Variants in TP53BP1 observed in about 807,000 individuals in gnomAD.
TP53BP1 encodes the protein tumor protein p53 binding protein 1.
In TP53BP1, 61 loss-of-function variants were observed where a neutral mutation model predicts 200.8. That is an observed-to-expected ratio of 0.30 (90% CI 0.25 to 0.38). TP53BP1 has a LOEUF of 0.38. Among genes scored for constraint, TP53BP1 ranks in the 10% least tolerant of loss-of-function variants. TP53BP1 has a pLI of 1.00. For synonymous variants in TP53BP1, 822 were observed against 844.3 expected (o/e 0.97, Z 0.46); for missense variants, 2,144 against 2,371.9 (o/e 0.90, Z 2.00).
intron 8 of TP53BP1, 150 bp downstream of exon 8, chr15:43,477,443 T>C (rs985705800): frequency 1.5e-4 from 97 of 639,124 alleles, no homozygotes; most frequent in Middle Eastern, 9.3e-4. Context: ...AAAGCCCTTC[T>C]CACTAATTAC....
chr15:43,434,484 C>G (rs72707571), intron 16 of TP53BP1, among the ~76,000 whole-genome samples: 3,251 of 152,302 alleles, frequency 0.021, 51 homozygotes, highest in Middle Eastern at 0.034. Context: ...TCTCATGCTA[C>G]AGACTAAATG....
rs1301391802 is a variant in TP53BP1, at chr15:43,477,707, T to C, written c.841A>G (p.Lys281Glu). 2 of 1,612,954 alleles carry C rather than the reference T, an allele frequency of 1.2e-6. No individual in the cohort carries two copies. The highest frequency in any genetic ancestry group is 8.5e-7 in the Non-Finnish European group (1 of 1,179,572). Residue 281 changes from lysine (K) to glutamate (E), a missense_variant, in exon 8 of 28, where the codon AAA becomes GAA. Lys to Glu is a moderately conservative substitution (Grantham distance 56). Transcript: ENST00000382044. ...PKASVAAMEA[K>E]EQLSAQELME... ...AGTTCTTGTGCAGACAACTGTTCTT[T>C]TGCTTCCATAGCAGCAACAGATGCT...
chr15:43,409,177 G>C, intron 25 of TP53BP1, 81 bp from the exon 26 acceptor site: 1 of 1,351,162 alleles, frequency 7.4e-7, no homozygotes, highest in Non-Finnish European at 1.0e-6. Flanking sequence ...GAGCCATGAA[G>C]AGCAGATCTG....
intron 4 of TP53BP1, among the ~76,000 whole-genome samples, chr15:43,483,761 T>C (rs190500837): frequency 2.1e-4 from 32 of 152,318 alleles, no homozygotes; most frequent in Admixed American, 2.0e-3. Flanking sequence ...AGAGCAAATA[T>C]TGCAAATGGT....
intron 16 of TP53BP1, among the ~76,000 whole-genome samples, chr15:43,437,966 T>C (rs1292131748): frequency 6.6e-6 from 1 of 152,234 alleles, no homozygotes; most frequent in Non-Finnish European, 1.5e-5. Flanking sequence ...AAGGGCCTTC[T>C]AGCTGCATCG....
rs771673422 is a variant in TP53BP1 at position 43,438,412 on chromosome 15, G to T, written c.3103C>A (p.Gln1035Lys). The change falls in exon 16 of 28, where the codon CAG becomes AAG. Residue 1035 changes from glutamine (Q) to lysine (K), a missense_variant. Around this residue, in one of 4 missense-constraint regions of TP53BP1, gnomAD observed 1,700 missense variants for 1,710.3 expected, o/e 0.99. Coordinates refer to ENST00000382044, the MANE Select transcript of TP53BP1 (RefSeq NM_001141980.3). ...CAGCTCAACACAGACATGGTCTTCTGGGGACTAAGACAATATATTAAAGCA... is the reference window on the plus strand; with the variant it reads ...CAGCTCAACACAGACATGGTCTTCTTGGGACTAAGACAATATATTAAAGCA... ...TAVAESVASP[Q>K]KTMSVLSCIC... The T allele has an allele frequency of 4.3e-6, 7 of 1,610,776 alleles. No homozygotes were observed. Among genetic ancestry groups the T allele is most frequent in the Non-Finnish European group, 5.9e-6 (7 of 1,178,414 alleles).
Position 43,492,318 on chromosome 15 carries a change from G to C in TP53BP1, c.158C>G (p.Pro53Arg), listed in dbSNP as rs746499803. The C allele has an allele frequency of 1.2e-6, 2 of 1,614,008 alleles. No homozygotes were observed. Among genetic ancestry groups the C allele is most frequent in the African/African-American group, 2.7e-5 (2 of 74,896 alleles). ...SHFSMLSRHL[P>R]NLQTHKENPV... ...ATTTTCTTTGTGCGTCTGGAGATTA[G>C]GAAGGTGTCGAGATAGCATACTGAA... Residue 53 changes from proline (P) to arginine (R), a missense_variant, in exon 2 of 28, where the codon CCT becomes CGT. Physicochemically the swap from Pro to Arg is moderately radical, Grantham distance 103 (BLOSUM62 -2). Around this residue, in one of 4 missense-constraint regions of TP53BP1, gnomAD observed 1,700 missense variants for 1,710.3 expected, o/e 0.99. Coordinates refer to ENST00000382044, the MANE Select transcript of TP53BP1 (RefSeq NM_001141980.3).
At chr15:43,482,207 C>T (rs553045082) in intron 4 of TP53BP1, among the ~76,000 whole-genome samples, 5 of 150,744 alleles carry the variant, frequency 3.3e-5, no homozygotes, top group South Asian at 4.2e-4. Flanking sequence ...CCAGCCTGGG[C>T]GACAGAGCGA....
chr15:43,448,323 A>G (rs181623981), intron 12 of TP53BP1, among the ~76,000 whole-genome samples: 1 of 152,160 alleles, frequency 6.6e-6, no homozygotes, highest in Non-Finnish European at 1.5e-5. Flanking sequence ...AAAATGATAC[A>G]TTTGGGAGAA....
At position 43,420,592 on chromosome 15, in the gene TP53BP1, C is replaced by T. The variant is rs2045371393; in HGVS notation, c.4394G>A (p.Ser1465Asn). ...TDVGAGALRR[S>N]DSPEIPFQAA... ...CTGGAAAGGAATTTCTGGAGAGTCA[C>T]TACGACGCAAAGCACCAGCACCCAC... Residue 1465 changes from serine (S) to asparagine (N), a missense_variant, in exon 21 of 28, where the codon AGT (serine) becomes AAT (asparagine). Ser to Asn is a conservative substitution (Grantham distance 46). Transcript: ENST00000382044. 1.2e-6 allele frequency: 2 copies of T among 1,614,038 alleles called. No homozygotes were observed. The highest frequency in any genetic ancestry group is 1.3e-5 in the African/African-American group (1 of 74,916).
chr15:43,404,154 G>C lies in TP53BP1; in HGVS notation c.*3229C>G, dbSNP rs753628572. 7.5e-6 allele frequency: 4 copies of C among 534,496 alleles called. No homozygotes were observed. Among genetic ancestry groups the C allele is most frequent in the Non-Finnish European group, 9.9e-6 (3 of 301,772 alleles). 33.1% of individuals were successfully genotyped at this position (534,496 alleles called of 1,614,324 possible). On this transcript the variant is annotated 3_prime_UTR_variant, in exon 28 of 28. Transcript: ENST00000382044. ...TCAAAACGGGTTCTCCCCAACCCCA[G>C]TACTTGACAAAATACATTAACTGGA...
rs115590044 is a variant in TP53BP1, at chr15:43,432,352, A to T, written c.3517T>A (p.Ser1173Thr). Residue 1173 changes from serine (S) to threonine (T), a missense_variant, in exon 17 of 28, where the codon TCA becomes ACA. Around this residue, in one of 4 missense-constraint regions of TP53BP1, gnomAD observed 1,700 missense variants for 1,710.3 expected, o/e 0.99. Coordinates refer to ENST00000382044, the MANE Select transcript of TP53BP1 (RefSeq NM_001141980.3). The stretch of plus-strand genomic sequence containing the variant: ...TTCTTTATAGTCTGGGTTGCTGCTG[A>T]AACAGTTTCTGGGACCCTCAAGGAA... Reference protein sequence around the residue: ...ECSLRVPETVSAATQTIKNVC... With the variant: ...ECSLRVPETVTAATQTIKNVC... 1 of 1,614,080 alleles carries T rather than the reference A, an allele frequency of 6.2e-7. No individual in the cohort carries two copies. The highest frequency in any genetic ancestry group is 1.7e-5 in the Admixed American group (1 of 60,006).
At position 43,504,843 on chromosome 15, in the gene TP53BP1, A is replaced by G. The variant is rs567713099; in HGVS notation, c.-9+5527T>C. On this transcript the variant is annotated intron_variant, in intron 1 of 27. Transcript: ENST00000263801. ...AAGACCAGCCTGGCCAAATGGTGAA[A>G]CCCTGTCTCTACCAAAAATATAAAA... 7.2e-5 allele frequency among the ~76,000 whole-genome samples: 11 copies of G among 151,964 alleles called. No individual in the cohort carries two copies. In the East Asian group the frequency reaches 1.9e-3, roughly 27 times the overall value.
intron 12 of TP53BP1, 124 bp downstream of exon 12, chr15:43,455,766 ATT>A: frequency 8.4e-7 from 1 of 1,196,854 alleles, no homozygotes; most frequent in Non-Finnish European, 1.1e-6. Flanking sequence ...CCCAATTATT[ATT>A]GGTTGTTCAT....
chr15:43,432,738 T>TGTGTGC, intron 16 of TP53BP1, 61 bp from the exon 17 acceptor site: 1 of 1,520,526 alleles, frequency 6.6e-7, no homozygotes, highest in East Asian at 2.3e-5. Context: ...TGAACGTGTG[T>TGTGTGC]GTGTGCGTGT....
intron 24 of TP53BP1, 134 bp from the exon 25 acceptor site, chr15:43,409,875 G>T: frequency 2.2e-6 from 1 of 457,250 alleles, no homozygotes; most frequent in Non-Finnish European, 3.8e-6. Flanking sequence ...ACAGGCCAAG[G>T]GCTTCCCCAT....
chr15:43,451,535 T>C (rs1490130708), intron 12 of TP53BP1, among the ~76,000 whole-genome samples: 1 of 152,224 alleles, frequency 6.6e-6, no homozygotes, highest in East Asian at 1.9e-4. Flanking sequence ...TATGGCTGCA[T>C]AGTATTCCAT....
chr15:43,411,461 G>GT (rs2045114426), intron 24 of TP53BP1, among the ~76,000 whole-genome samples: 1 of 152,220 alleles, frequency 6.6e-6, no homozygotes, highest in South Asian at 2.1e-4. Flanking sequence ...CTGAGCTCCT[G>GT]TTGTAAGCTG....
Position 43,469,998 on chromosome 15 carries a change from C to T in TP53BP1, c.1249G>A (p.Gly417Ser), listed in dbSNP as rs689647. 0.16 allele frequency: 252,201 copies of T among 1,613,390 alleles called. 33,013 individuals carry two copies. Among genetic ancestry groups the T allele is most frequent in the African/African-American group, 0.66 (49,349 of 74,880 alleles). Residue 417 changes from glycine (G) to serine (S), a missense_variant, in exon 11 of 28, where the codon GGT (glycine) becomes AGT (serine). Gly to Ser is a moderately conservative substitution (Grantham distance 56). Transcript: ENST00000382044. ...GGGTTTTCTAACTCCACTGGTTCAC[C>T]ACTTTGAAGTTTCTTCTGAAAAGGC... ...GEPFQKKLQSGEPVELENPPL... is the reference protein window; with the variant it reads ...GEPFQKKLQSSEPVELENPPL...
Sources: allele counts gnomAD v4.1 joint callset (sites outside exome capture counted in the v4.1 genomes callset), GRCh38; gene constraint gnomAD v4.1.1; regional missense constraint gnomAD v4.1.1; transcripts MANE v1.5; gene names NCBI Gene and HGNC (gene_info 2026-07-23, HGNC 2026-07-21).